PTPRK: variants seen among roughly 807,000 people sequenced by gnomAD.
The protein encoded by PTPRK is protein tyrosine phosphatase receptor type K.
In PTPRK, 75 loss-of-function variants were observed where a neutral mutation model predicts 178.0. The observed-to-expected ratio is 0.42, with a 90% confidence interval of 0.35 to 0.51. The LOEUF (loss-of-function observed/expected upper bound fraction) is 0.51. PTPRK is among the 20% of genes least tolerant of loss of function. The pLI, the probability that PTPRK is intolerant of heterozygous loss-of-function variation, is 0.02. For synonymous variants in PTPRK, 637 were observed against 620.6 expected (o/e 1.03, Z -0.39); for missense variants, 1,441 against 1,797.8 (o/e 0.80, Z 3.59).
At chr6:128,381,538 T>C (rs993461378) in intron 2 of PTPRK, among the ~76,000 whole-genome samples, 2 of 152,092 alleles carry the variant, frequency 1.3e-5, no homozygotes, top group African/African-American at 4.8e-5. Context: ...TATAGATTAA[T>C]GAGATTACTA....
intron 24 of PTPRK, among the ~76,000 whole-genome samples, chr6:127,981,509 T>C (rs1482940296): frequency 1.3e-5 from 2 of 152,092 alleles, no homozygotes; most frequent in Non-Finnish European, 2.9e-5. Flanking sequence ...CTCCTCTTCT[T>C]AAAAGGAAAA....
At chr6:128,143,483 GCTTT>G (rs1331782712) in intron 7 of PTPRK, among the ~76,000 whole-genome samples, 7 of 152,184 alleles carry the variant, frequency 4.6e-5, no homozygotes, top group East Asian at 3.9e-4. Flanking sequence ...TGAAAATGAG[GCTTT>G]CTATTAGTGT....
At chr6:128,288,188 G>A (rs73596684) in intron 3 of PTPRK, among the ~76,000 whole-genome samples, 2,583 of 152,200 alleles carry the variant, frequency 0.017, 73 homozygotes, top group African/African-American at 0.059. Flanking sequence ...CTGTATACTC[G>A]TTGGCTGTTC....
intron 7 of PTPRK, among the ~76,000 whole-genome samples, chr6:128,110,138 G>A (rs1273009878): frequency 6.6e-6 from 1 of 151,960 alleles, no homozygotes; most frequent in African/African-American, 2.4e-5. Context: ...TGTCCAGACT[G>A]GTCTTAAACT....
At position 128,457,338 on chromosome 6, in the gene PTPRK, T is replaced by C. The variant is rs1012487824; in HGVS notation, c.101-59650A>G. The stretch of plus-strand genomic sequence containing the variant: ...GTTTTCTTGCTTGTTGCATCACTTT[T>C]TGTGCTGCATCTATAACCAAGTTCA... On this transcript the variant is annotated intron_variant, in intron 1 of 29. Coordinates refer to ENST00000368226, the MANE Select transcript of PTPRK (RefSeq NM_002844.4). 4.6e-5 allele frequency among the ~76,000 whole-genome samples: 7 copies of C among 152,156 alleles called. No homozygotes were observed. In the East Asian group the frequency reaches 1.2e-3, roughly 25 times the overall value.
chr6:128,384,373 G>A (rs978222026), intron 2 of PTPRK, among the ~76,000 whole-genome samples: 6 of 138,110 alleles, frequency 4.3e-5, no homozygotes, highest in African/African-American at 1.5e-4. Context: ...AAGATTTTTG[G>A]ACAATATTTC....
intron 3 of PTPRK, among the ~76,000 whole-genome samples, chr6:128,281,147 T>C (rs1354558304): frequency 1.3e-5 from 2 of 152,138 alleles, no homozygotes; most frequent in Non-Finnish European, 2.9e-5. Flanking sequence ...CCCTGTAACA[T>C]GATCCACTCT....
At chr6:128,453,323 C>T (rs1352790954) in intron 1 of PTPRK, among the ~76,000 whole-genome samples, 3 of 152,168 alleles carry the variant, frequency 2.0e-5, no homozygotes, top group Non-Finnish European at 2.9e-5. Context: ...GATCTCCCAA[C>T]GTCTGCACCC....
At chr6:128,505,165 G>A (rs1445512225) in intron 1 of PTPRK, among the ~76,000 whole-genome samples, 1 of 148,990 alleles carries the variant, frequency 6.7e-6, no homozygotes, top group Non-Finnish European at 1.5e-5. Flanking sequence ...GTGCAGTGGC[G>A]AAATCTCGGC....
intron 14 of PTPRK, chr6:128,007,938 C>T (rs1271120734): frequency 1.4e-5 from 10 of 700,846 alleles, no homozygotes; most frequent in Non-Finnish European, 2.2e-5. Flanking sequence ...ACTTTTGCCT[C>T]ACATATGATG....
chr6:127,976,816 A>AG, intron 26 of PTPRK, 34 bp from the exon 27 acceptor site: 2 of 1,609,394 alleles, frequency 1.2e-6, no homozygotes, highest in South Asian at 2.2e-5. Flanking sequence ...AAAAAAAAAA[A>AG]GAGTATTATT....
At chr6:128,032,542 T>C (rs1479538707) in intron 13 of PTPRK, among the ~76,000 whole-genome samples, 1 of 152,204 alleles carries the variant, frequency 6.6e-6, no homozygotes, top group East Asian at 1.9e-4. Flanking sequence ...TCATTATTTA[T>C]TATGTGTTAA....
At chr6:128,508,878 C>T (rs541680471) in intron 1 of PTPRK, among the ~76,000 whole-genome samples, 100 of 150,530 alleles carry the variant, frequency 6.6e-4, no homozygotes, top group African/African-American at 2.4e-3. Flanking sequence ...ACCCAGGAGG[C>T]GGAGGTTGCG....
rs148603665 is a variant in PTPRK, at chr6:128,459,268, G to A, written c.100+60991C>T. The stretch of plus-strand genomic sequence containing the variant: ...GGGCTTCTATAATGGTCAGGGCATG[G>A]CATCAAAACTTGGCAAAGTTCATTA... On this transcript the variant is annotated intron_variant, in intron 1 of 29. Transcript: ENST00000368226. Among the ~76,000 whole-genome samples the A allele has an allele frequency of 2.5e-3, 381 of 152,154 alleles. 5 individuals are homozygous for A. The highest frequency in any genetic ancestry group is 0.022 in the Admixed American group (341 of 15,266).
chr6:128,313,836 A>G (rs889821679), intron 3 of PTPRK, among the ~76,000 whole-genome samples: 3 of 152,216 alleles, frequency 2.0e-5, no homozygotes, highest in Non-Finnish European at 2.9e-5. Context: ...AACAGTAAAA[A>G]AGACTAAAGA....
chr6:128,040,984 C>A (rs1483635109), intron 13 of PTPRK, among the ~76,000 whole-genome samples: 1 of 152,024 alleles, frequency 6.6e-6, no homozygotes, highest in African/African-American at 2.4e-5. Context: ...GGGTAAAATT[C>A]ATTTTCTCTG....
intron 15 of PTPRK, among the ~76,000 whole-genome samples, chr6:128,002,609 G>A (rs1436953643): frequency 6.6e-6 from 1 of 151,826 alleles, no homozygotes; most frequent in Non-Finnish European, 1.5e-5. Context: ...TTATACAGTG[G>A]TAACCCAAGT....
intron 1 of PTPRK, among the ~76,000 whole-genome samples, chr6:128,424,747 C>T (rs930724504): frequency 6.6e-6 from 1 of 152,122 alleles, no homozygotes; most frequent in South Asian, 2.1e-4. Flanking sequence ...CAAAAACATC[C>T]TTAACAACAG....
chr6:128,110,618 GT>G (rs1428241772), intron 7 of PTPRK, among the ~76,000 whole-genome samples: 18 of 149,182 alleles, frequency 1.2e-4, no homozygotes, highest in African/African-American at 4.5e-4. Context: ...GAAGATAGAA[GT>G]AAAAAAAAAA....
Sources: gnomAD v4.1 joint callset for allele counts (sites outside exome capture counted in the v4.1 genomes callset) on GRCh38, gnomAD v4.1.1 for gene constraint, MANE v1.5 for transcripts, NCBI Gene and HGNC (gene_info 2026-07-23, HGNC 2026-07-21) for gene names.